The following GABRB1 variants were observed in gnomAD, a reference collection of about 807,000 sequenced individuals.
GABRB1 encodes gamma-aminobutyric acid receptor subunit beta-1.
Under a neutral mutation model 51.6 loss-of-function variants are expected in GABRB1, and 17 were observed. That is an observed-to-expected ratio of 0.33 (90% CI 0.23 to 0.49). The LOEUF (loss-of-function observed/expected upper bound fraction) is 0.49. Ranked by LOEUF, GABRB1 falls within the 20% of genes least tolerant of loss-of-function variation. GABRB1 has a pLI of 0.99. For missense variants in GABRB1, 410 were observed against 600.6 expected, an observed-to-expected ratio of 0.68 and a Z score of 3.32; for synonymous variants, 247 against 218.9, an observed-to-expected ratio of 1.13 and a Z score of -1.14.
intron 5 of GABRB1, among the ~76,000 whole-genome samples, chr4:47,368,019 C>T (rs1727046346): frequency 6.6e-6 from 1 of 152,064 alleles, no homozygotes; most frequent in Non-Finnish European, 1.5e-5. Flanking sequence ...TAACTAGAAC[C>T]CTAAAGATGA....
chr4:47,350,538 T>G (rs549317370), intron 5 of GABRB1, among the ~76,000 whole-genome samples: 5 of 151,914 alleles, frequency 3.3e-5, no homozygotes, highest in African/African-American at 1.2e-4. Context: ...TTCATGGAGT[T>G]TCTTTTAAAA....
chr4:46,995,372 T>C (rs2109421140), intron 1 of GABRB1, among the ~76,000 whole-genome samples: 1 of 152,304 alleles, frequency 6.6e-6, no homozygotes, highest in African/African-American at 2.4e-5. Context: ...CTTTCCTACC[T>C]TTTTAAAAAG....
intron 3 of GABRB1, among the ~76,000 whole-genome samples, chr4:47,064,641 C>CAA (rs33963952): frequency 0.048 from 2,612 of 54,652 alleles, 82 homozygotes; most frequent in East Asian, 0.13. Context: ...GACTCCATCT[C>CAA]AAAAAAAAAA....
chr4:47,254,901 CTAG>C (rs1722142352), intron 4 of GABRB1, among the ~76,000 whole-genome samples: 1 of 152,118 alleles, frequency 6.6e-6, no homozygotes, highest in Non-Finnish European at 1.5e-5. Flanking sequence ...TTTTAATGAA[CTAG>C]TTGGTCATGA....
intron 4 of GABRB1, among the ~76,000 whole-genome samples, chr4:47,168,383 T>C (rs1242504804): frequency 6.6e-6 from 1 of 152,182 alleles, no homozygotes; most frequent in East Asian, 1.9e-4. Context: ...GCTAAATCGT[T>C]AACATTCACA....
At chr4:47,065,388 G>T (rs1350814696) in intron 3 of GABRB1, among the ~76,000 whole-genome samples, 3 of 152,204 alleles carry the variant, frequency 2.0e-5, no homozygotes, top group African/African-American at 4.8e-5. Flanking sequence ...CTGCCTCCTT[G>T]TTGAGGCTGT....
intron 4 of GABRB1, among the ~76,000 whole-genome samples, chr4:47,254,720 C>T (rs568864768): frequency 6.6e-6 from 1 of 152,210 alleles, no homozygotes; most frequent in South Asian, 2.1e-4. Flanking sequence ...ATTCTTTGTG[C>T]AATTACTTTA....
At chr4:47,414,516 T>G (rs1377839888) in intron 8 of GABRB1, among the ~76,000 whole-genome samples, 1 of 152,202 alleles carries the variant, frequency 6.6e-6, no homozygotes, top group Non-Finnish European at 1.5e-5. Context: ...GAGGGGTGAC[T>G]TTGAATAGAA....
intron 3 of GABRB1, among the ~76,000 whole-genome samples, chr4:47,069,243 T>C (rs1200549182): frequency 6.6e-6 from 1 of 152,198 alleles, no homozygotes; most frequent in Non-Finnish European, 1.5e-5. Context: ...CTTTCTTCCC[T>C]GAGTCACTAC....
chr4:47,096,932 C>T (rs571734348), intron 3 of GABRB1, among the ~76,000 whole-genome samples: 21 of 152,290 alleles, frequency 1.4e-4, no homozygotes, highest in Admixed American at 3.9e-4. Context: ...CTAACGCACA[C>T]ACAACTGTAA....
intron 3 of GABRB1, among the ~76,000 whole-genome samples, chr4:47,104,279 C>T (rs962039416): frequency 6.6e-6 from 1 of 151,504 alleles, no homozygotes; most frequent in African/African-American, 2.4e-5. Flanking sequence ...CATCTCTATT[C>T]TTCTGAATGT....
At chr4:47,253,673 G>A (rs538670739) in intron 4 of GABRB1, among the ~76,000 whole-genome samples, 1 of 152,106 alleles carries the variant, frequency 6.6e-6, no homozygotes, top group African/African-American at 2.4e-5. Context: ...CTTGCTTTTT[G>A]TCCACGAATG....
chr4:47,152,142 C>A (rs1717487121), intron 3 of GABRB1, among the ~76,000 whole-genome samples: 1 of 151,920 alleles, frequency 6.6e-6, no homozygotes, highest in South Asian at 2.1e-4. Context: ...AATGGAAATT[C>A]TGGATTATTA....
intron 5 of GABRB1, among the ~76,000 whole-genome samples, chr4:47,401,687 C>A (rs1002328175): frequency 6.6e-6 from 1 of 152,184 alleles, no homozygotes. Context: ...AGGAAGGAAT[C>A]TGGGTTGAAT....
chr4:47,411,723 A>T (rs1362435866), intron 8 of GABRB1, among the ~76,000 whole-genome samples: 1 of 152,194 alleles, frequency 6.6e-6, no homozygotes, highest in East Asian at 1.9e-4. Context: ...AACCTGGGTG[A>T]GGGGTACATG....
At chr4:47,327,287 T>C (rs776608654) in intron 5 of GABRB1, among the ~76,000 whole-genome samples, 4 of 151,630 alleles carry the variant, frequency 2.6e-5, no homozygotes, top group Non-Finnish European at 5.9e-5. Flanking sequence ...CTCCAGGAGT[T>C]TGAGTCCAGC....
intron 3 of GABRB1, among the ~76,000 whole-genome samples, chr4:47,045,442 TATCATC>T (rs36118087): frequency 0.082 from 12,320 of 149,334 alleles, 818 homozygotes; most frequent in East Asian, 0.21. Context: ...TATTCTCCTT[TATCATC>T]ATCATCATCA....
chr4:47,168,722 A>G (rs1006577744), intron 4 of GABRB1, among the ~76,000 whole-genome samples: 2 of 152,174 alleles, frequency 1.3e-5, no homozygotes, highest in East Asian at 1.9e-4. Context: ...ATGTAATTGT[A>G]TTACTTCGCT....
intron 4 of GABRB1, among the ~76,000 whole-genome samples, chr4:47,176,441 A>C (rs1383245574): frequency 6.6e-6 from 1 of 152,146 alleles, no homozygotes; most frequent in Non-Finnish European, 1.5e-5. Flanking sequence ...TTTTGACCCA[A>C]GGAACTGAAA....
Sources: gnomAD v4.1 joint callset for allele counts (sites outside exome capture counted in the v4.1 genomes callset) on GRCh38, gnomAD v4.1.1 for gene constraint, MANE v1.5 for transcripts, NCBI Gene and HGNC (gene_info 2026-07-23, HGNC 2026-07-21) for gene names.